Variants in ANHX observed in about 807,000 individuals in gnomAD.
The protein encoded by ANHX is anomalous homeobox, also known as anomalous homeobox protein.
ANHX carries 20 observed loss-of-function variants against 38.9 expected under a neutral mutation model. That is an observed-to-expected ratio of 0.51 (90% CI 0.36 to 0.75). ANHX has a LOEUF of 0.75. Ranked by LOEUF, ANHX falls within the 30% of genes least tolerant of loss-of-function variation. The pLI, the probability that ANHX is intolerant of heterozygous loss-of-function variation, is 0.00. For synonymous variants in ANHX, 185 were observed against 203.1 expected (o/e 0.91, Z 0.76); for missense variants, 475 against 493.1 (o/e 0.96, Z 0.35).
chr12:133,232,493 A>C (rs1252253536), intron 2 of ANHX, among the ~76,000 whole-genome samples: 2 of 151,312 alleles, frequency 1.3e-5, no homozygotes, highest in Non-Finnish European at 2.9e-5. Context: ...TCTGTGCCCC[A>C]CTCTCCTCTC....
intron 1 of ANHX, 160 bp downstream of exon 1, chr12:133,235,647 G>T (rs1420213233): frequency 8.7e-6 from 1 of 115,530 alleles, no homozygotes. Flanking sequence ...CTCACCTTCC[G>T]GGACCCCCCG....
intron 3 of ANHX, among the ~76,000 whole-genome samples, chr12:133,230,685 C>A (rs1012961689): frequency 6.6e-6 from 1 of 152,120 alleles, no homozygotes; most frequent in African/African-American, 2.4e-5. Context: ...ATCGCTTGAG[C>A]CCGGGAAGTT....
intron 7 of ANHX, among the ~76,000 whole-genome samples, chr12:133,224,975 A>C (rs188135518): frequency 0.019 from 2,868 of 151,036 alleles, 43 homozygotes; most frequent in Non-Finnish European, 0.027. Context: ...AAAAAAAAAA[A>C]AACAAAAACA....
intron 3 of ANHX, among the ~76,000 whole-genome samples, chr12:133,229,197 G>C (rs1269973467): frequency 2.0e-5 from 3 of 152,190 alleles, no homozygotes; most frequent in African/African-American, 7.2e-5. Flanking sequence ...AGATGACAAA[G>C]GGATGCGTGT....
At chr12:133,219,001 G>A in intron 9 of ANHX, 30 bp from the exon 10 acceptor site, 1 of 1,511,792 alleles carries the variant, frequency 6.6e-7, no homozygotes, top group Non-Finnish European at 8.9e-7. Flanking sequence ...TAAACACAGA[G>A]GCTTCCTTTC....
At chr12:133,235,076 G>GCCTGCATCATCTC (rs574740677) in intron 1 of ANHX, 4,532 of 152,342 alleles carry the variant, frequency 0.03, 88 homozygotes, top group East Asian at 0.049. Flanking sequence ...GGTTCTTTCT[G>GCCTGCATCATCTC]CCGTGCGCCC....
intron 7 of ANHX, among the ~76,000 whole-genome samples, chr12:133,223,445 CTTTTT>C (rs899014720): frequency 7.7e-6 from 1 of 130,212 alleles, no homozygotes; most frequent in Non-Finnish European, 1.6e-5. Flanking sequence ...AGACTTTATT[CTTTTT>C]TTTTTTTTTT....
chr12:133,219,510 G>C, intron 8 of ANHX, 143 bp from the exon 9 acceptor site: 1 of 627,370 alleles, frequency 1.6e-6, no homozygotes, highest in Non-Finnish European at 2.7e-6. Flanking sequence ...CTGCAGGGCT[G>C]TCACGTATGT....
At chr12:133,224,355 T>C (rs1003705883) in intron 7 of ANHX, among the ~76,000 whole-genome samples, 3 of 152,240 alleles carry the variant, frequency 2.0e-5, no homozygotes, top group East Asian at 1.9e-4. Flanking sequence ...TATATACCCA[T>C]AGAATATTAA....
intron 7 of ANHX, among the ~76,000 whole-genome samples, 133 bp downstream of exon 7, chr12:133,225,403 T>C (rs150987142): frequency 1.1e-3 from 167 of 152,246 alleles, no homozygotes; most frequent in African/African-American, 3.5e-3. Flanking sequence ...TCTGGCTACA[T>C]TGGTTCCAGG....
chr12:133,231,327 T>TC (rs890689572), intron 3 of ANHX, among the ~76,000 whole-genome samples, 190 bp downstream of exon 3: 1 of 152,170 alleles, frequency 6.6e-6, no homozygotes, highest in African/African-American at 2.4e-5. Flanking sequence ...GTGACCAGCA[T>TC]CCAGCACAGG....
chr12:133,231,735 TGG>T, intron 2 of ANHX, 91 bp from the exon 3 acceptor site: 1 of 1,469,322 alleles, frequency 6.8e-7, no homozygotes. Flanking sequence ...GACTCAGCCT[TGG>T]GGAAGGCAGT....
At chr12:133,226,276 T>C (rs1957186906) in intron 6 of ANHX, 42 bp downstream of exon 6, 2 of 1,536,012 alleles carry the variant, frequency 1.3e-6, no homozygotes, top group South Asian at 2.4e-5. Flanking sequence ...GAAAGGGAAC[T>C]GAATAGGTGA....
At chr12:133,231,907 A>T (rs1957284226) in intron 2 of ANHX, among the ~76,000 whole-genome samples, 1 of 152,182 alleles carries the variant, frequency 6.6e-6, no homozygotes, top group Non-Finnish European at 1.5e-5. Flanking sequence ...CCTTGGGCAG[A>T]TGCACTCACA....
intron 2 of ANHX, 42 bp downstream of exon 2, chr12:133,234,066 T>C: frequency 6.6e-7 from 1 of 1,522,430 alleles, no homozygotes; most frequent in Non-Finnish European, 8.8e-7. Context: ...CTAAAGAAGT[T>C]GCTACCTCTC....
At chr12:133,225,874 T>TCAGGG (rs1957182250) in intron 6 of ANHX, among the ~76,000 whole-genome samples, 46 bp from the exon 7 acceptor site, 1 of 152,014 alleles carries the variant, frequency 6.6e-6, no homozygotes, top group South Asian at 2.1e-4. Flanking sequence ...AGAGCCTCCC[T>TCAGGG]CAGGGCAGGG....
chr12:133,218,987 G>C lies in ANHX; in HGVS notation c.1366-16C>G, dbSNP rs1347009838. On this transcript the variant is annotated splice_polypyrimidine_tract_variant and intron_variant, in intron 9 of 9. Coordinates refer to ENST00000545940, the MANE Select transcript of ANHX (RefSeq NM_001372060.1). ...AACACTGCACCTGGAAGACAACACA[G>C]TGGTAAACACAGAGGCTTCCTTTCC... The C allele has an allele frequency of 2.0e-6, 3 of 1,528,394 alleles. No individual in the cohort carries two copies. The Admixed American group carries it at 5.9e-5, about 30-fold the overall frequency. The allele number at this position is 1,528,394 out of a possible 1,614,324, so 94.7% of individuals were successfully genotyped here. A position where few individuals can be genotyped will look rare whatever the true frequency, so the allele number is the denominator to read the frequency against.
At chr12:133,234,422 T>G in intron 1 of ANHX, 44 bp from the exon 2 acceptor site, 1 of 1,488,954 alleles carries the variant, frequency 6.7e-7, no homozygotes, top group Non-Finnish European at 8.9e-7. Flanking sequence ...ACTGACCACG[T>G]CCTTTCTGTC....
chr12:133,220,712 G>C (rs143867439), intron 8 of ANHX, among the ~76,000 whole-genome samples: 111,583 of 151,842 alleles, frequency 0.73, 41,783 homozygotes, highest in East Asian at 0.91. Context: ...CCCTGCCCCA[G>C]TCCTCCATCC....
Sources: allele counts gnomAD v4.1 joint callset (sites outside exome capture counted in the v4.1 genomes callset), GRCh38; gene constraint gnomAD v4.1.1; transcripts MANE v1.5; gene names NCBI Gene and HGNC (gene_info 2026-07-23, HGNC 2026-07-21).